The following CELSR1 variants were observed in gnomAD, a reference collection of about 807,000 sequenced individuals.
The protein encoded by CELSR1 is cadherin EGF LAG seven-pass G-type receptor 1.
In CELSR1, 110 loss-of-function variants were observed where a neutral mutation model predicts 249.1. That is an observed-to-expected ratio of 0.44 (90% confidence interval 0.38 to 0.52). The LOEUF is 0.52. Ranked by LOEUF, CELSR1 falls within the 20% of genes least tolerant of loss-of-function variation. CELSR1 has a pLI of 0.00. For missense variants in CELSR1, 4,109 were observed against 4,296.4 expected (o/e 0.96, Z 1.22); for synonymous variants, 2,113 against 1,900.0 (o/e 1.11, Z -2.92).
In CELSR1 at chr22:46,411,659, C is replaced by A. The variant is rs1266632453; in HGVS notation, c.4712G>T (p.Gly1571Val). Residue 1571 changes from glycine to valine, a missense_variant, in exon 6 of 35, where the codon GGA becomes GTA. Physicochemically the swap from Gly to Val is moderately radical, Grantham distance 109 (BLOSUM62 -3). Around this residue, in one of 7 missense-constraint regions of CELSR1, gnomAD observed 453 missense variants for 492.0 expected, o/e 0.92. Coordinates refer to ENST00000674500, the MANE Select transcript of CELSR1 (RefSeq NM_001378328.1). This position sits in a 1 kb window ranked among gnomAD's most constrained non-coding sequence, Gnocchi z 4.2. ...DCDTTMAVRF[G>V]KDIGNYSCAA... ...GCAGCTGTAGTTCCCGATGTCCTTT[C>A]CAAAGCGCACAGCCATGGTTGTGTC... 1.2e-6 allele frequency: 2 copies of A among 1,614,110 alleles called. No individual in the cohort carries two copies. The highest frequency in any genetic ancestry group is 1.7e-6 in the Non-Finnish European group (2 of 1,180,054).
chr22:46,510,170 G>A (rs149996289), intron 1 of CELSR1, among the ~76,000 whole-genome samples: 5 of 152,338 alleles, frequency 3.3e-5, no homozygotes, highest in South Asian at 4.1e-4. Flanking sequence ...CCATTTAGGT[G>A]AAGTAATAAT....
intron 25 of CELSR1, among the ~76,000 whole-genome samples, 183 bp downstream of exon 25, chr22:46,372,700 C>A (rs1013115090): frequency 6.6e-6 from 1 of 152,142 alleles, no homozygotes; most frequent in South Asian, 2.1e-4. Flanking sequence ...GAAGACGTCG[C>A]CCCAGGTGTC....
At chr22:46,466,823 C>A (rs1400706331) in intron 1 of CELSR1, among the ~76,000 whole-genome samples, 2 of 152,160 alleles carry the variant, frequency 1.3e-5, no homozygotes, top group African/African-American at 2.4e-5. Flanking sequence ...GGAGATGAGG[C>A]CTCTGGGAGG....
chr22:46,453,336 C>T (rs372470584), intron 2 of CELSR1, among the ~76,000 whole-genome samples: 2 of 152,306 alleles, frequency 1.3e-5, no homozygotes, highest in East Asian at 1.9e-4. Context: ...CTGCTCAGCA[C>T]CCCAACGGTT....
intron 1 of CELSR1, among the ~76,000 whole-genome samples, chr22:46,494,817 C>G (rs2080398252): frequency 6.6e-6 from 1 of 152,142 alleles, no homozygotes; most frequent in Non-Finnish European, 1.5e-5. Flanking sequence ...CTGAATTTCT[C>G]TGAGTAACAT....
chr22:46,536,112 G>T lies in CELSR1; in HGVS notation c.1059C>A (p.Phe353Leu), dbSNP rs202069007. 1 of 1,612,530 alleles carries T rather than the reference G, an allele frequency of 6.2e-7. No individual in the cohort carries two copies. The highest frequency in any genetic ancestry group is 1.7e-5 in the Admixed American group (1 of 60,028). ...CGCGCTCGCGGTACTCCGACTGCTC[G>T]AAGACCGGGCTGTGGTCGTTGGTGT... ...VKDTNDHSPVFEQSEYRERVR... is the reference protein window; with the variant it reads ...VKDTNDHSPVLEQSEYRERVR... The change falls in exon 1 of 35, where the codon TTC (phenylalanine) becomes TTA (leucine). Residue 353 changes from phenylalanine (F) to leucine (L), a missense_variant. This residue lies in a region of CELSR1 where 673 missense variants were observed against 636.8 expected (regional missense o/e 1.06). Transcript: ENST00000674500.
At chr22:46,530,868 C>G (rs1221468932) in intron 1 of CELSR1, among the ~76,000 whole-genome samples, 2 of 152,154 alleles carry the variant, frequency 1.3e-5, no homozygotes, top group African/African-American at 4.8e-5. Flanking sequence ...ATGGCTCCCA[C>G]TAAACGTAGT....
intron 1 of CELSR1, among the ~76,000 whole-genome samples, chr22:46,493,268 G>C (rs1309444846): frequency 6.6e-6 from 1 of 151,850 alleles, no homozygotes; most frequent in Admixed American, 6.6e-5. Flanking sequence ...AAAACAGGCG[G>C]GGCGTGGTGG....
chr22:46,510,104 TC>T (rs1474178603), intron 1 of CELSR1, among the ~76,000 whole-genome samples: 2 of 152,194 alleles, frequency 1.3e-5, no homozygotes, highest in East Asian at 3.9e-4. Flanking sequence ...CTCCTAACCC[TC>T]TGCATCCAGC....
In CELSR1 at chr22:46,439,421, G is replaced by A. The variant is rs779598856; in HGVS notation, c.4184-10C>T. 1.6e-5 allele frequency: 25 copies of A among 1,605,948 alleles called. No homozygotes were observed. Among genetic ancestry groups the A allele is most frequent in the East Asian group, 6.7e-5 (3 of 44,568 alleles). ...ACCTCACAGTGCTCTCCTGGGGGGC[G>A]AGAGGAAGATGCCAGAGAGGAGGTT... On this transcript the variant is annotated splice_polypyrimidine_tract_variant and intron_variant, in intron 2 of 34. Transcript: ENST00000674500.
Position 46,411,864 on chromosome 22 carries a change from C to T in CELSR1, c.4612-105G>A, listed in dbSNP as rs994182216. The T allele has an allele frequency of 1.2e-5, 18 of 1,450,532 alleles. No homozygotes were observed. The highest frequency in any genetic ancestry group is 4.6e-5 in the East Asian group (2 of 43,946). The allele number at this position is 1,450,532 out of a possible 1,614,324, so 89.9% of individuals were successfully genotyped here. On this transcript the variant is annotated intron_variant, in intron 5 of 34. Transcript: ENST00000674500. This position sits in a 1 kb window ranked among gnomAD's most constrained non-coding sequence, Gnocchi z 4.2. ...CGAGGAGGACATGGCACAGGGTGGG[C>T]GGCACGTAGACAAGGGATGAGGAGC...
rs150244281 is a variant in CELSR1, at chr22:46,519,485, G to A, written c.3544+14142C>T. Among the ~76,000 whole-genome samples, 108 of 152,348 alleles carry A rather than the reference G, an allele frequency of 7.1e-4. 3 individuals are homozygous for A. In the East Asian group the frequency reaches 0.02, roughly 28 times the overall value. The stretch of plus-strand genomic sequence containing the variant: ...ACAGGGCTACGATTTGGGAGCCCCC[G>A]GGTTGGCCCGGGGAGCAGCGGTCTC... On this transcript the variant is annotated intron_variant, in intron 1 of 34. Coordinates refer to ENST00000674500, the MANE Select transcript of CELSR1 (RefSeq NM_001378328.1).
At chr22:46,444,281 C>T (rs2079791502) in intron 2 of CELSR1, among the ~76,000 whole-genome samples, 1 of 152,260 alleles carries the variant, frequency 6.6e-6, no homozygotes, top group African/African-American at 2.4e-5. Flanking sequence ...GAAGACAGCG[C>T]TTTGTATCTG....
At position 46,391,211 on chromosome 22, in the gene CELSR1, C is replaced by T. The variant is rs546943922; in HGVS notation, c.6225G>A (p.Ala2075=). ...WPQTKFGQPA[A]VPCPKGSVGN... ...CAACGGATCCCTTAGGGCATGGCAC[C>T]GCAGCCGGCTGCCCGAACTTGGTCT... Residue 2075 remains alanine, a synonymous_variant, in exon 16 of 35, where the codon GCG becomes GCA. Transcript: ENST00000674500. This position sits in a 1 kb window ranked among gnomAD's most constrained non-coding sequence, Gnocchi z 4.3. The T allele has an allele frequency of 1.1e-5, 17 of 1,613,426 alleles. No homozygotes were observed. In the African/African-American group the frequency reaches 1.5e-4, roughly 14 times the overall value.
intron 25 of CELSR1, among the ~76,000 whole-genome samples, chr22:46,372,647 T>C (rs1407974819): frequency 1.3e-5 from 2 of 151,958 alleles, no homozygotes; most frequent in African/African-American, 4.8e-5. Flanking sequence ...GAAATAACCC[T>C]GAACAGACCT....
At chr22:46,492,551 C>T (rs1208051429) in intron 1 of CELSR1, among the ~76,000 whole-genome samples, 3 of 152,078 alleles carry the variant, frequency 2.0e-5, no homozygotes, top group East Asian at 1.9e-4. Context: ...GGGCCAGGCG[C>T]AGTGGCTCAC....
intron 2 of CELSR1, among the ~76,000 whole-genome samples, chr22:46,460,867 G>C (rs1160580395): frequency 6.6e-6 from 1 of 152,284 alleles, no homozygotes; most frequent in Admixed American, 6.5e-5. Flanking sequence ...GGATTTCAGG[G>C]ACACGGGAGA....
Position 46,390,628 on chromosome 22 carries a change from C to T in CELSR1, c.6251-142G>A, listed in dbSNP as rs763256182. 1.9e-5 allele frequency: 12 copies of T among 636,986 alleles called. No individual in the cohort carries two copies. Among genetic ancestry groups the T allele is most frequent in the Non-Finnish European group, 2.7e-5 (10 of 374,086 alleles). 39.5% of individuals were successfully genotyped at this position (636,986 alleles called of 1,614,324 possible). A position where few individuals can be genotyped will look rare whatever the true frequency, so the allele number is the denominator to read the frequency against. ...CCCCATGGGGGCCAGGAGGTCGACA[C>T]CAGCGCCCCTCTTTCATGTCAGGGC... On this transcript the variant is annotated intron_variant, in intron 16 of 34. Coordinates refer to ENST00000674500, the MANE Select transcript of CELSR1 (RefSeq NM_001378328.1). The surrounding 1 kb of genome is among the most constrained non-coding windows in gnomAD (Gnocchi z 6.3).
chr22:46,458,885 GTTT>G (rs574003604), intron 2 of CELSR1, among the ~76,000 whole-genome samples: 2 of 151,382 alleles, frequency 1.3e-5, no homozygotes, highest in East Asian at 3.9e-4. Context: ...CCCAGTTTAG[GTTT>G]TTTTTTGTTT....
Sources: gnomAD v4.1 joint callset for allele counts (sites outside exome capture counted in the v4.1 genomes callset) on GRCh38, gnomAD v4.1.1 for gene constraint, gnomAD v4.1.1 regional missense constraint, Gnocchi (gnomAD v3.1) non-coding constraint, MANE v1.5 for transcripts, NCBI Gene and HGNC (gene_info 2026-07-23, HGNC 2026-07-21) for gene names.